Variants in SAMM50 observed in about 807,000 individuals in gnomAD.
SAMM50 encodes SAMM50 sorting and assembly machinery component.
In SAMM50, 47 loss-of-function variants were observed where a neutral mutation model predicts 66.9. That is an observed-to-expected ratio of 0.70 (90% CI 0.56 to 0.90). The LOEUF is 0.90. Among genes scored for constraint, SAMM50 ranks in the 40% least tolerant of loss-of-function variants. The pLI, the probability that SAMM50 is intolerant of heterozygous loss-of-function variation, is 0.00. For missense variants in SAMM50, 535 were observed against 595.3 expected (o/e 0.90, Z 1.05); for synonymous variants, 191 against 214.1 (o/e 0.89, Z 0.94).
intron 3 of SAMM50, among the ~76,000 whole-genome samples, chr22:43,968,226 C>CAAAAAA (rs66961907): frequency 0.011 from 766 of 68,130 alleles, no homozygotes; most frequent in East Asian, 0.015. Flanking sequence ...AACTCTGTCT[C>CAAAAAA]AAAAAAAAAA....
At chr22:43,956,464 C>T (rs989374722) in intron 1 of SAMM50, among the ~76,000 whole-genome samples, 1 of 152,196 alleles carries the variant, frequency 6.6e-6, no homozygotes, top group East Asian at 1.9e-4. Context: ...CTTTATATGT[C>T]TTTCATTCAG....
At chr22:43,965,673 A>G (rs759531915) in intron 3 of SAMM50, among the ~76,000 whole-genome samples, 1 of 152,112 alleles carries the variant, frequency 6.6e-6, no homozygotes, top group Non-Finnish European at 1.5e-5. Flanking sequence ...TTTCCTAGAT[A>G]TGTTGTACGA....
intron 14 of SAMM50, among the ~76,000 whole-genome samples, chr22:43,991,061 C>G (rs576163429): frequency 3.7e-4 from 56 of 151,640 alleles, no homozygotes; most frequent in African/African-American, 1.3e-3. Flanking sequence ...ACTGCAACCT[C>G]TGCCTCCCAG....
intron 1 of SAMM50, among the ~76,000 whole-genome samples, chr22:43,958,986 T>C (rs1238458600): frequency 1.3e-5 from 2 of 151,736 alleles, no homozygotes; most frequent in African/African-American, 4.8e-5. Flanking sequence ...TAATACTTAA[T>C]ATGTGTTATG....
At chr22:43,982,740 A>G (rs935963340) in intron 11 of SAMM50, among the ~76,000 whole-genome samples, 1 of 152,142 alleles carries the variant, frequency 6.6e-6, no homozygotes. Context: ...GGTTCAAGCT[A>G]TTCTCCTGCC....
intron 1 of SAMM50, among the ~76,000 whole-genome samples, chr22:43,962,008 G>A (rs981062146): frequency 6.6e-6 from 1 of 152,074 alleles, no homozygotes; most frequent in Non-Finnish European, 1.5e-5. Flanking sequence ...GTCTGTGTGT[G>A]TGTGTGTATG....
chr22:43,955,813 G>T (rs1250505404), intron 1 of SAMM50, among the ~76,000 whole-genome samples: 2 of 152,256 alleles, frequency 1.3e-5, no homozygotes, highest in African/African-American at 4.8e-5. Flanking sequence ...GACGAGACTT[G>T]GCTAAAGGTC....
At chr22:43,995,219 C>G (rs1209424324) in intron 14 of SAMM50, among the ~76,000 whole-genome samples, 1 of 152,124 alleles carries the variant, frequency 6.6e-6, no homozygotes, top group Non-Finnish European at 1.5e-5. Context: ...TGCAGGAGGC[C>G]GGCGCAGCAT....
At chr22:43,963,617 AAC>A (rs532260339) in intron 2 of SAMM50, among the ~76,000 whole-genome samples, 61 of 152,218 alleles carry the variant, frequency 4.0e-4, no homozygotes, top group Non-Finnish European at 6.9e-4. Context: ...GGTTTAGACA[AAC>A]ACACTTTTGT....
At chr22:43,978,733 G>A (rs2050247449) in intron 10 of SAMM50, among the ~76,000 whole-genome samples, 1 of 152,008 alleles carries the variant, frequency 6.6e-6, no homozygotes, top group Non-Finnish European at 1.5e-5. Flanking sequence ...CTCGCCAGAG[G>A]AGCCCCAGGC....
At chr22:43,957,878 C>T (rs141880351) in intron 1 of SAMM50, among the ~76,000 whole-genome samples, 44 of 152,304 alleles carry the variant, frequency 2.9e-4, no homozygotes, top group African/African-American at 1.0e-3. Context: ...CCTGCTTCAG[C>T]CTCCTGAATA....
chr22:43,981,308 T>C (rs922328980), intron 10 of SAMM50, 83 bp from the exon 11 acceptor site: 2 of 1,055,700 alleles, frequency 1.9e-6, no homozygotes, highest in Non-Finnish European at 3.0e-6. Flanking sequence ...GGGCATTCAG[T>C]GTGTGGCCAG....
intron 3 of SAMM50, among the ~76,000 whole-genome samples, chr22:43,966,324 C>A (rs778206106): frequency 5.9e-5 from 9 of 151,966 alleles, no homozygotes; most frequent in Non-Finnish European, 1.3e-4. Flanking sequence ...ACTGATGCAG[C>A]CGTATTGCTC....
intron 4 of SAMM50, among the ~76,000 whole-genome samples, chr22:43,971,161 C>A (rs1225839833): frequency 6.6e-6 from 1 of 152,108 alleles, no homozygotes; most frequent in African/African-American, 2.4e-5. Context: ...GAATGAGGCT[C>A]CATCTCAGAA....
rs751747955 is a variant in SAMM50 at position 43,976,064 on chromosome 22, T to G, written c.658T>G (p.Trp220Gly). ...GMSAEYSFPI[W>G]KTSHTVKWEG... is the part of the protein sequence containing the mutation. Reference sequence around the variant, plus strand: ...GATCTCCATGTTGCAGTTTCCCATATGGAAGACCAGCCACACTGTCAAGTG... The same window carrying G: ...GATCTCCATGTTGCAGTTTCCCATAGGGAAGACCAGCCACACTGTCAAGTG... The change falls in exon 8 of 15, where the codon TGG (tryptophan) becomes GGG (glycine). Residue 220 changes from tryptophan to glycine, a missense_variant. By Grantham distance (184) the Trp-to-Gly change is radical. Transcript: ENST00000350028. 107 of 1,610,544 alleles carry G rather than the reference T, an allele frequency of 6.6e-5. No individual in the cohort carries two copies. The highest frequency in any genetic ancestry group is 8.5e-5 in the Non-Finnish European group (100 of 1,176,994).
At chr22:43,981,026 A>G (rs1159813233) in intron 10 of SAMM50, among the ~76,000 whole-genome samples, 2 of 152,166 alleles carry the variant, frequency 1.3e-5, no homozygotes, top group Non-Finnish European at 2.9e-5. Context: ...GGCCGCGGCA[A>G]AGAGGCCTGA....
intron 4 of SAMM50, among the ~76,000 whole-genome samples, 170 bp downstream of exon 4, chr22:43,968,988 G>T (rs886088842): frequency 6.6e-6 from 1 of 152,174 alleles, no homozygotes; most frequent in Non-Finnish European, 1.5e-5. Context: ...GGAAGGGATT[G>T]GATTTTTTGT....
chr22:43,994,406 T>C (rs2050341956), intron 14 of SAMM50, among the ~76,000 whole-genome samples: 1 of 152,114 alleles, frequency 6.6e-6, no homozygotes, highest in African/African-American at 2.4e-5. Context: ...TCCCCATGAC[T>C]ACAACTGCAC....
intron 7 of SAMM50, among the ~76,000 whole-genome samples, chr22:43,973,994 T>A (rs571898867): frequency 6.7e-6 from 1 of 149,916 alleles, no homozygotes; most frequent in Non-Finnish European, 1.5e-5. Flanking sequence ...TTCGTATCAT[T>A]TGGCCTTTTT....
Sources: allele counts gnomAD v4.1 joint callset (sites outside exome capture counted in the v4.1 genomes callset), GRCh38; gene constraint gnomAD v4.1.1; transcripts MANE v1.5; gene names NCBI Gene and HGNC (gene_info 2026-07-23, HGNC 2026-07-21).